The following RAB23 variants were observed in gnomAD, a reference collection of about 807,000 sequenced individuals.
RAB23 encodes the protein RAB23, member RAS oncogene family.
RAB23 carries 15 observed loss-of-function variants against 30.0 expected under a neutral mutation model. The observed-to-expected ratio is 0.50, with a 90% CI of 0.33 to 0.77. The LOEUF is 0.77. RAB23 is among the 30% of genes least tolerant of loss of function. The pLI, the probability that RAB23 is intolerant of heterozygous loss-of-function variation, is 0.02. For synonymous variants in RAB23, 93 were observed against 94.0 expected (o/e 0.99, Z 0.06); for missense variants, 243 against 275.4 (o/e 0.88, Z 0.83).
chr6:57,217,755 G>A (rs556786954), intron 1 of RAB23, among the ~76,000 whole-genome samples: 2 of 152,074 alleles, frequency 1.3e-5, no homozygotes, highest in Non-Finnish European at 2.9e-5. Context: ...TAAAAAAGAA[G>A]AACAGAAATC....
intron 2 of RAB23, among the ~76,000 whole-genome samples, 200 bp from the exon 3 acceptor site, chr6:57,207,913 G>T (rs1765506918): frequency 6.6e-6 from 1 of 152,134 alleles, no homozygotes; most frequent in Non-Finnish European, 1.5e-5. Flanking sequence ...AGTCAAAAAT[G>T]CATTTAACAC....
rs757695952 is a variant in RAB23 at position 57,193,833 on chromosome 6, T to C, written c.574+9A>G. ...AGTAAACATGGGCTAAAATTTCCTATGTACTTACCAATCTTGTTACTACTT... is the reference window on the plus strand; with the variant it reads ...AGTAAACATGGGCTAAAATTTCCTACGTACTTACCAATCTTGTTACTACTT... On this transcript the variant is annotated intron_variant, in intron 6 of 6. Coordinates refer to ENST00000468148, the MANE Select transcript of RAB23 (RefSeq NM_016277.5). 3.1e-6 allele frequency: 5 copies of C among 1,611,998 alleles called. No homozygotes were observed. In the African/African-American group the frequency reaches 6.7e-5, roughly 22 times the overall value.
At chr6:57,221,088 T>G (rs1362830235) in intron 1 of RAB23, among the ~76,000 whole-genome samples, 1 of 152,218 alleles carries the variant, frequency 6.6e-6, no homozygotes, top group African/African-American at 2.4e-5. Flanking sequence ...TAATGCGGTC[T>G]AATAAATTAG....
intron 1 of RAB23, among the ~76,000 whole-genome samples, chr6:57,221,043 T>C (rs1231222662): frequency 6.6e-6 from 1 of 152,056 alleles, no homozygotes; most frequent in Non-Finnish European, 1.5e-5. Context: ...ATACTTTATA[T>C]AAATACCCTT....
At chr6:57,197,984 C>T (rs1055175408) in intron 3 of RAB23, among the ~76,000 whole-genome samples, 1 of 152,026 alleles carries the variant, frequency 6.6e-6, no homozygotes, top group Non-Finnish European at 1.5e-5. Flanking sequence ...CAATGTTGCC[C>T]AGGCTGGTCT....
Position 57,187,423 on chromosome 6 carries a change from C to A in RAB23, c.*3038G>T, listed in dbSNP as rs1051999309. The A allele has an allele frequency of 6.6e-6, 1 of 152,050 alleles. No individual in the cohort carries two copies. The highest frequency in any genetic ancestry group is 2.4e-5 in the African/African-American group (1 of 41,398). 9.4% of individuals were successfully genotyped at this position (152,050 alleles called of 1,614,324 possible). On this transcript the variant is annotated 3_prime_UTR_variant, in exon 7 of 7. Coordinates refer to ENST00000468148, the MANE Select transcript of RAB23 (RefSeq NM_016277.5). ...TTATAGCTGAAAACCTAAGGAGTGA[C>A]AATAGTACATGTGACATTCTTAACA... is the stretch of plus-strand genomic sequence containing the variant.
At chr6:57,201,390 C>G (rs908014882) in intron 3 of RAB23, among the ~76,000 whole-genome samples, 1 of 152,150 alleles carries the variant, frequency 6.6e-6, no homozygotes, top group African/African-American at 2.4e-5. Context: ...ATAAGCCCCT[C>G]AGGTGAGAGG....
At chr6:57,191,325 T>A (rs1055936826) in intron 6 of RAB23, among the ~76,000 whole-genome samples, 4 of 152,238 alleles carry the variant, frequency 2.6e-5, no homozygotes, top group Admixed American at 6.5e-5. Context: ...AGTTTATGCA[T>A]ATATAAGCTA....
Position 57,187,165 on chromosome 6 carries a change from G to C in RAB23, c.*3296C>G, listed in dbSNP as rs1764633413. 6.6e-6 allele frequency: 1 copy of C among 152,052 alleles called. No homozygotes were observed. The highest frequency in any genetic ancestry group is 2.4e-5 in the African/African-American group (1 of 41,394). 9.4% of individuals were successfully genotyped at this position (152,052 alleles called of 1,614,324 possible). A position where few individuals can be genotyped will look rare whatever the true frequency, so the allele number is the denominator to read the frequency against. On this transcript the variant is annotated 3_prime_UTR_variant, in exon 7 of 7. Coordinates refer to ENST00000468148, the MANE Select transcript of RAB23 (RefSeq NM_016277.5). ...ATTATTTATTAGTAATAAAAATATA[G>C]AAGGAATTCAGTTTTCCTTTTATCC...
intron 2 of RAB23, among the ~76,000 whole-genome samples, chr6:57,209,053 T>C (rs1765552046): frequency 6.6e-6 from 1 of 152,190 alleles, no homozygotes; most frequent in Admixed American, 6.6e-5. Flanking sequence ...ACTGCAGCAC[T>C]ACACTTAGGA....
At chr6:57,198,342 G>A (rs1003538677) in intron 3 of RAB23, among the ~76,000 whole-genome samples, 12 of 152,046 alleles carry the variant, frequency 7.9e-5, no homozygotes, top group East Asian at 3.9e-4. Context: ...GTGAAACCCC[G>A]TCTCTACTAA....
intron 1 of RAB23, 56 bp from the exon 2 acceptor site, chr6:57,210,501 A>G: frequency 8.9e-7 from 1 of 1,120,200 alleles, no homozygotes; most frequent in Non-Finnish European, 1.3e-6. Flanking sequence ...AAAATAAACT[A>G]ATTGTTTTAT....
intron 3 of RAB23, among the ~76,000 whole-genome samples, chr6:57,205,667 C>T (rs1765431966): frequency 6.6e-6 from 1 of 151,842 alleles, no homozygotes; most frequent in African/African-American, 2.4e-5. Context: ...TCAAGAGAGA[C>T]AAGAAAGCAT....
intron 5 of RAB23, 30 bp downstream of exon 5, chr6:57,194,740 T>C: frequency 6.7e-7 from 1 of 1,490,444 alleles, no homozygotes; most frequent in East Asian, 2.3e-5. Context: ...AATTTCTTTT[T>C]GCAATCTATA....
intron 3 of RAB23, among the ~76,000 whole-genome samples, chr6:57,197,310 A>C (rs949558109): frequency 1.3e-5 from 2 of 152,214 alleles, no homozygotes; most frequent in African/African-American, 2.4e-5. Flanking sequence ...ATCCATTGAC[A>C]ATATTTTAAC....
At chr6:57,200,824 T>C (rs1765227103) in intron 3 of RAB23, among the ~76,000 whole-genome samples, 1 of 152,152 alleles carries the variant, frequency 6.6e-6, no homozygotes, top group Admixed American at 6.6e-5. Flanking sequence ...CAGAGAGCTA[T>C]ATTGGGAAGG....
In RAB23 at chr6:57,190,374, T is replaced by G; in HGVS notation, c.*87A>C. 1 of 1,516,880 alleles carries G rather than the reference T, an allele frequency of 6.6e-7. No individual in the cohort carries two copies. Among genetic ancestry groups the G allele is most frequent in the Non-Finnish European group, 9.1e-7 (1 of 1,095,642 alleles). 94.0% of individuals were successfully genotyped at this position (1,516,880 alleles called of 1,614,324 possible). Reference sequence around the variant, plus strand: ...GAGAGCCATTAGGAGCAAAGTCTGCTGAAAACCTTGTAACATACCATGACA... The same window carrying G: ...GAGAGCCATTAGGAGCAAAGTCTGCGGAAAACCTTGTAACATACCATGACA... On this transcript the variant is annotated 3_prime_UTR_variant, in exon 7 of 7. Transcript: ENST00000468148.
At chr6:57,215,312 A>C (rs1327068124) in intron 1 of RAB23, among the ~76,000 whole-genome samples, 4 of 152,278 alleles carry the variant, frequency 2.6e-5, no homozygotes, top group Non-Finnish European at 4.4e-5. Flanking sequence ...CAAGAAGCTG[A>C]GTAAATCCCA....
chr6:57,195,398 G>A (rs1212087155), intron 4 of RAB23, among the ~76,000 whole-genome samples: 1 of 152,060 alleles, frequency 6.6e-6, no homozygotes, highest in Non-Finnish European at 1.5e-5. Flanking sequence ...TCCTGGTTGT[G>A]GACTCCTGAT....
Sources: gnomAD v4.1 joint callset for allele counts (sites outside exome capture counted in the v4.1 genomes callset) on GRCh38, gnomAD v4.1.1 for gene constraint, MANE v1.5 for transcripts, NCBI Gene and HGNC (gene_info 2026-07-23, HGNC 2026-07-21) for gene names.